ZNF516: variants seen among roughly 807,000 people sequenced by gnomAD.
ZNF516 encodes zinc finger protein 516.
In ZNF516, 19 loss-of-function variants were observed where a neutral mutation model predicts 79.7. The observed-to-expected ratio is 0.24, with a 90% CI of 0.17 to 0.35. The LOEUF is 0.35. Ranked by LOEUF, ZNF516 falls within the 10% of genes least tolerant of loss-of-function variation. The pLI is 1.00. For missense variants in ZNF516, 1,678 were observed against 1,679.5 expected, an observed-to-expected ratio of 1.00 and a Z score of 0.02; for synonymous variants, 877 against 739.5, an observed-to-expected ratio of 1.19 and a Z score of -3.02.
intron 1 of ZNF516, among the ~76,000 whole-genome samples, chr18:76,489,648 T>C (rs1448031496): frequency 1.4e-5 from 2 of 146,978 alleles, no homozygotes; most frequent in East Asian, 4.0e-4. Flanking sequence ...AAAAATAAAA[T>C]CTCTAAATTA....
intron 1 of ZNF516, among the ~76,000 whole-genome samples, chr18:76,487,398 T>C (rs1043340318): frequency 2.6e-5 from 4 of 152,198 alleles, no homozygotes; most frequent in African/African-American, 4.8e-5. Flanking sequence ...CAAATACAAA[T>C]GATGCATTTA....
At chr18:76,482,900 T>C (rs1914609380) in intron 1 of ZNF516, among the ~76,000 whole-genome samples, 2 of 152,226 alleles carry the variant, frequency 1.3e-5, no homozygotes, top group Admixed American at 6.5e-5. Flanking sequence ...TTGCATTTCT[T>C]CATTTATATT....
intron 3 of ZNF516, among the ~76,000 whole-genome samples, chr18:76,424,090 C>CAT (rs2075553655): frequency 9.4e-6 from 1 of 106,156 alleles, no homozygotes; most frequent in Non-Finnish European, 1.9e-5. Context: ...AACATACACA[C>CAT]GCAGGTGAAA....
chr18:76,377,144 C>T (rs752605186), intron 4 of ZNF516, among the ~76,000 whole-genome samples: 2 of 152,252 alleles, frequency 1.3e-5, no homozygotes, highest in Admixed American at 1.3e-4. Context: ...CATGGCACTG[C>T]GCCGCGCCTC....
At chr18:76,374,027 T>G (rs2074748442) in intron 4 of ZNF516, among the ~76,000 whole-genome samples, 1 of 152,238 alleles carries the variant, frequency 6.6e-6, no homozygotes, top group African/African-American at 2.4e-5. Flanking sequence ...CACCCAGCCC[T>G]GCTACGTTGC....
intron 3 of ZNF516, among the ~76,000 whole-genome samples, chr18:76,408,426 AGTCAC>A (rs1270878497): frequency 2.6e-5 from 4 of 152,212 alleles, no homozygotes. Context: ...GGGTGAAACC[AGTCAC>A]AAGGGAAAAT....
chr18:76,363,733 G>A (rs1484479558), intron 6 of ZNF516, among the ~76,000 whole-genome samples: 2 of 152,174 alleles, frequency 1.3e-5, no homozygotes, highest in Non-Finnish European at 2.9e-5. Flanking sequence ...AGGTTCTGAT[G>A]GGAAATATTC....
In ZNF516 at chr18:76,467,677, A is replaced by G. The variant is rs1162409570; in HGVS notation, c.-271-4536T>C. ...AACAGCCCCAGCCCACTCAAAGGCT[A>G]CACCTCAAAAACATGTTGCAATCTA... On this transcript the variant is annotated intron_variant, in intron 1 of 6. Coordinates refer to ENST00000443185, the MANE Select transcript of ZNF516 (RefSeq NM_014643.4). This position sits in a 1 kb window ranked among gnomAD's most constrained non-coding sequence, Gnocchi z 4.2. 1.3e-5 allele frequency among the ~76,000 whole-genome samples: 2 copies of G among 152,226 alleles called. No homozygotes were observed. The highest frequency in any genetic ancestry group is 2.9e-5 in the Non-Finnish European group (2 of 68,034).
intron 3 of ZNF516, among the ~76,000 whole-genome samples, chr18:76,410,204 C>A (rs1240770210): frequency 6.6e-6 from 1 of 152,212 alleles, no homozygotes; most frequent in Non-Finnish European, 1.5e-5. Flanking sequence ...CCAGTGCTGG[C>A]TGGCAAGGAC....
intron 1 of ZNF516, among the ~76,000 whole-genome samples, chr18:76,480,508 C>G (rs1039700338): frequency 4.0e-5 from 3 of 74,194 alleles, no homozygotes; most frequent in African/African-American, 2.9e-4. Flanking sequence ...CACACACACA[C>G]ACACACACAC....
intron 3 of ZNF516, among the ~76,000 whole-genome samples, chr18:76,417,801 T>G (rs2075451163): frequency 6.6e-6 from 1 of 152,216 alleles, no homozygotes; most frequent in African/African-American, 2.4e-5. Flanking sequence ...CAGAAAGCCC[T>G]AAGTTAAGAA....
chr18:76,463,441 A>C (rs189790030), intron 1 of ZNF516, among the ~76,000 whole-genome samples: 33 of 152,352 alleles, frequency 2.2e-4, no homozygotes, highest in African/African-American at 7.5e-4. Flanking sequence ...GCAGCGGAAC[A>C]ATCTGCATTT....
At chr18:76,491,626 C>A in intron 1 of ZNF516, 1 of 671,998 alleles carries the variant, frequency 1.5e-6, no homozygotes, top group Non-Finnish European at 1.8e-6. Flanking sequence ...TCCCGCCCCG[C>A]CCACGGCCCT....
At chr18:76,371,335 AT>A in intron 5 of ZNF516, 131 bp downstream of exon 5, 2 of 873,688 alleles carry the variant, frequency 2.3e-6, no homozygotes, top group Non-Finnish European at 3.5e-6. Context: ...CCGGAGGCAG[AT>A]GGCAGGCCCC....
Position 76,371,576 on chromosome 18 carries a change from G to A in ZNF516, c.3260-5C>T, listed in dbSNP as rs754714436. The A allele has an allele frequency of 1.9e-5, 31 of 1,607,198 alleles. No homozygotes were observed. The highest frequency in any genetic ancestry group is 3.3e-5 in the South Asian group (3 of 90,642). ...GGGCCTGCGTCCGGAGTGTCCCTGC[G>A]GTGGCGAGGTGGTGGTGGTGGCAGG... On this transcript the variant is annotated splice_region_variant and splice_polypyrimidine_tract_variant and intron_variant, in intron 4 of 6. Coordinates refer to ENST00000443185, the MANE Select transcript of ZNF516 (RefSeq NM_014643.4).
intron 3 of ZNF516, among the ~76,000 whole-genome samples, chr18:76,402,645 G>A (rs1211314119): frequency 6.6e-6 from 1 of 152,218 alleles, no homozygotes; most frequent in Non-Finnish European, 1.5e-5. Flanking sequence ...GATCTGAAGA[G>A]TCGCAACAGA....
intron 1 of ZNF516, among the ~76,000 whole-genome samples, chr18:76,494,680 C>T (rs1004161309): frequency 5.9e-5 from 9 of 152,056 alleles, no homozygotes; most frequent in African/African-American, 2.2e-4. Context: ...TCCTCGGGCC[C>T]GCAGCCCCAT....
intron 1 of ZNF516, among the ~76,000 whole-genome samples, chr18:76,491,478 G>A (rs1458751484): frequency 2.1e-5 from 3 of 139,554 alleles, no homozygotes; most frequent in African/African-American, 7.6e-5. Context: ...AAGTTGGGCT[G>A]TGGGTCCGTC....
At chr18:76,432,367 C>A (rs1160269398) in intron 3 of ZNF516, among the ~76,000 whole-genome samples, 2 of 152,246 alleles carry the variant, frequency 1.3e-5, no homozygotes, top group Non-Finnish European at 2.9e-5. Flanking sequence ...CGTGCCAACA[C>A]CGTGCAAAGC....
Sources: allele counts gnomAD v4.1 joint callset (sites outside exome capture counted in the v4.1 genomes callset), GRCh38; gene constraint gnomAD v4.1.1; non-coding constraint Gnocchi (gnomAD v3.1); transcripts MANE v1.5; gene names NCBI Gene and HGNC (gene_info 2026-07-23, HGNC 2026-07-21).